TICRR: variants seen among roughly 807,000 people sequenced by gnomAD.
TICRR encodes TOPBP1 interacting checkpoint and replication regulator, also known as treslin.
Under a neutral mutation model 178.1 loss-of-function variants are expected in TICRR, and 132 were observed. The ratio of observed to expected loss-of-function variants is 0.74; its 90% CI spans 0.64 to 0.86. TICRR has a LOEUF of 0.86. Ranked by LOEUF, TICRR falls within the 40% of genes least tolerant of loss-of-function variation. TICRR has a pLI of 0.00. For synonymous variants in TICRR, 991 were observed against 900.7 expected (o/e 1.10, Z -1.79); for missense variants, 2,587 against 2,334.3 (o/e 1.11, Z -2.23).
chr15:89,584,220 T>C (rs1261441591), intron 2 of TICRR, 66 bp from the exon 3 acceptor site: 2 of 1,438,238 alleles, frequency 1.4e-6, no homozygotes, highest in Non-Finnish European at 1.9e-6. Flanking sequence ...ATTCCTTATA[T>C]TGGAATTTTA....
chr15:89,594,488 G>A lies in TICRR; in HGVS notation c.1615G>A (p.Glu539Lys), dbSNP rs1258317023. 2.5e-6 allele frequency: 4 copies of A among 1,613,134 alleles called. No homozygotes were observed. Among genetic ancestry groups the A allele is most frequent in the Non-Finnish European group, 1.7e-6 (2 of 1,179,588 alleles). The stretch of plus-strand genomic sequence containing the variant: ...AGGCGAATTAATACATTGCCTTGCC[G>A]AGCTCTACCAGAGAAAATCTCGTGA... ...TEGELIHCLAELYQRKSREES... is the reference protein window; with the variant it reads ...TEGELIHCLAKLYQRKSREES... The change falls in exon 6 of 22, where the codon GAG becomes AAG. Residue 539 changes from glutamate (E) to lysine (K), a missense_variant. By Grantham distance (56) the Glu-to-Lys change is moderately conservative. Coordinates refer to ENST00000268138, the MANE Select transcript of TICRR (RefSeq NM_152259.4).
rs756053509 is a variant in TICRR, at chr15:89,594,444, A to G, written c.1571A>G (p.Glu524Gly). 2 of 1,612,920 alleles carry G rather than the reference A, an allele frequency of 1.2e-6. No homozygotes were observed. The highest frequency in any genetic ancestry group is 2.2e-5 in the South Asian group (2 of 90,886). ...GLLQAASANK[E>G]ESSKTEGELI... ...CTACAGGCTGCCTCAGCTAATAAGG[A>G]AGAGTCTTCCAAAACTGAAGGCGAA... The change falls in exon 6 of 22, where the codon GAA (glutamate) becomes GGA (glycine). Residue 524 changes from glutamate (E) to glycine (G), a missense_variant. Transcript: ENST00000268138.
chr15:89,623,482 G>C, intron 19 of TICRR, 141 bp from the exon 20 acceptor site: 1 of 875,956 alleles, frequency 1.1e-6, no homozygotes, highest in African/African-American at 1.7e-5. Context: ...GAGGGAAACG[G>C]GTCACTATTT....
At position 89,582,990 on chromosome 15, in the gene TICRR, T is replaced by G. The variant is rs200401138; in HGVS notation, c.934+25T>G. ...GGTAAGCAAATAATATTTTAAGGTT[T>G]TTTTTTTTTTAAATCTCAGTTACAT... On this transcript the variant is annotated intron_variant, in intron 2 of 21. Coordinates refer to ENST00000268138, the MANE Select transcript of TICRR (RefSeq NM_152259.4). 413 of 1,550,670 alleles carry G rather than the reference T, an allele frequency of 2.7e-4. No homozygotes were observed. The African/African-American group carries it at 4.5e-3, about 17-fold the overall frequency.
At position 89,584,411 on chromosome 15, in the gene TICRR, A is replaced by G. The variant is rs749649657; in HGVS notation, c.1060A>G (p.Ser354Gly). ...GSVAQWSLPT[S>G]STLGTDSWML... ...AGTGGCCCAGTGGTCTCTCCCAACGAGCAGCACTTTGGGCACTGACAGCTG... is the reference window on the plus strand; with the variant it reads ...AGTGGCCCAGTGGTCTCTCCCAACGGGCAGCACTTTGGGCACTGACAGCTG... The change falls in exon 3 of 22, where the codon AGC (serine) becomes GGC (glycine). Residue 354 changes from serine to glycine, a missense_variant. Physicochemically the swap from Ser to Gly is moderately conservative, Grantham distance 56 (BLOSUM62 0). Coordinates refer to ENST00000268138, the MANE Select transcript of TICRR (RefSeq NM_152259.4). 1 of 1,614,172 alleles carries G rather than the reference A, an allele frequency of 6.2e-7. No individual in the cohort carries two copies. The highest frequency in any genetic ancestry group is 8.5e-7 in the Non-Finnish European group (1 of 1,180,012).
Position 89,623,957 on chromosome 15 carries a change from T to C in TICRR, c.3647T>C (p.Val1216Ala). 6.2e-7 allele frequency: 1 copy of C among 1,613,928 alleles called. No homozygotes were observed. Among genetic ancestry groups the C allele is most frequent in the Non-Finnish European group, 8.5e-7 (1 of 1,179,998 alleles). Residue 1216 changes from valine to alanine, a missense_variant, in exon 20 of 22, where the codon GTG becomes GCG. Physicochemically the swap from Val to Ala is moderately conservative, Grantham distance 64 (BLOSUM62 0). Transcript: ENST00000268138. ...CCAAACTGTACTTGGCCACATTCAG[T>C]GAATTCCAGTCCAGAAAGCCCCTCC... ...FLPNCTWPHS[V>A]NSSPESPSCP...
rs1200646951 is a variant in TICRR, at chr15:89,587,951, A to G, written c.1411+2009A>G. Among the ~76,000 whole-genome samples the G allele has an allele frequency of 2.0e-5, 3 of 152,160 alleles. No homozygotes were observed. The East Asian group carries it at 5.8e-4, about 29-fold the overall frequency. ...ATGTTGATGAGATAATATGGTAAAA[A>G]TTAATGCAGGGGATGGAGAGAATTG... On this transcript the variant is annotated intron_variant, in intron 4 of 21. Transcript: ENST00000268138.
chr15:89,618,972 A>G (rs1425519585), intron 17 of TICRR, among the ~76,000 whole-genome samples: 1 of 152,176 alleles, frequency 6.6e-6, no homozygotes. Flanking sequence ...AAATAAAATA[A>G]TAAAAGTATA....
chr15:89,624,336 G>T lies in TICRR; in HGVS notation c.4026G>T (p.Glu1342Asp), dbSNP rs1963475196. The T allele has an allele frequency of 6.2e-7, 1 of 1,614,012 alleles. No homozygotes were observed. The highest frequency in any genetic ancestry group is 1.7e-5 in the Admixed American group (1 of 59,994). ...CPSPGELDQK[E>D]PQMSPSVAAS... ...CCCCAGGAGAACTGGATCAGAAAGA[G>T]CCCCAGATGTCACCCAGCGTAGCTG... Residue 1342 changes from glutamate to aspartate, a missense_variant, in exon 20 of 22, where the codon GAG becomes GAT. By Grantham distance (45) the Glu-to-Asp change is conservative. Coordinates refer to ENST00000268138, the MANE Select transcript of TICRR (RefSeq NM_152259.4).
intron 19 of TICRR, among the ~76,000 whole-genome samples, chr15:89,623,331 G>T (rs957584752): frequency 3.9e-5 from 6 of 152,226 alleles, no homozygotes; most frequent in Admixed American, 2.0e-4. Flanking sequence ...AGCTGCAGTG[G>T]TAGAATGATT....
At chr15:89,585,657 T>C in intron 3 of TICRR, 51 bp from the exon 4 acceptor site, 1 of 1,259,902 alleles carries the variant, frequency 7.9e-7, no homozygotes, top group Non-Finnish European at 1.2e-6. Flanking sequence ...TACATTCTTC[T>C]TTAGGCATAT....
rs2141953893 is a variant in TICRR, at chr15:89,584,395, G to C, written c.1044G>C (p.Gln348His). The part of the protein sequence containing the change: ...VRIFLKGSVA[Q>H]WSLPTSSTLG... ...TTTTTCTAAAAGGCTCAGTGGCCCA[G>C]TGGTCTCTCCCAACGAGCAGCACTT... The change falls in exon 3 of 22, where the codon CAG becomes CAC. Residue 348 changes from glutamine to histidine, a missense_variant. Gln to His is a conservative substitution (Grantham distance 24). Transcript: ENST00000268138. The C allele has an allele frequency of 6.2e-7, 1 of 1,614,202 alleles. No homozygotes were observed. Among genetic ancestry groups the C allele is most frequent in the South Asian group, 1.1e-5 (1 of 91,082 alleles).
At position 89,627,870 on chromosome 15, in the gene TICRR, C is replaced by G. The variant is rs3195377; in HGVS notation, c.*784C>G. On this transcript the variant is annotated 3_prime_UTR_variant, in exon 22 of 22. Transcript: ENST00000268138. ...GTCTGGCTAACGGTGAGGGCTGACT[C>G]TGAACTGTCTCTCAGTCTCCAGAAA... 6.6e-6 allele frequency: 1 copy of G among 152,360 alleles called. No individual in the cohort carries two copies. Among genetic ancestry groups the G allele is most frequent in the Admixed American group, 6.5e-5 (1 of 15,298 alleles). The allele number at this position is 152,360 out of a possible 1,614,324, so 9.4% of individuals were successfully genotyped here.
At position 89,575,707 on chromosome 15, in the gene TICRR, G is replaced by T; in HGVS notation, c.121G>T (p.Ala41Ser). ...CTATCTGAGTTGCCGATTCGGCCTGGCCAGGGTCCACTGGGCCTTCAAGTT... is the reference window on the plus strand; with the variant it reads ...CTATCTGAGTTGCCGATTCGGCCTGTCCAGGGTCCACTGGGCCTTCAAGTT... ...LTYLSCRFGL[A>S]RVHWAFKFFD... Residue 41 changes from alanine to serine, a missense_variant, in exon 1 of 22, where the codon GCC (alanine) becomes TCC (serine). Physicochemically the swap from Ala to Ser is moderately conservative, Grantham distance 99 (BLOSUM62 1). Transcript: ENST00000268138. 1.9e-6 allele frequency: 3 copies of T among 1,608,024 alleles called. No individual in the cohort carries two copies. Among genetic ancestry groups the T allele is most frequent in the East Asian group, 2.2e-5 (1 of 44,692 alleles).
intron 1 of TICRR, among the ~76,000 whole-genome samples, chr15:89,576,821 G>GTATA (rs369518649): frequency 7.7e-4 from 71 of 92,392 alleles, no homozygotes; most frequent in East Asian, 2.5e-3. Flanking sequence ...ATGTGTGTGT[G>GTATA]TATATATATA....
At chr15:89,597,440 G>T (rs1028378993) in intron 7 of TICRR, among the ~76,000 whole-genome samples, 1 of 151,244 alleles carries the variant, frequency 6.6e-6, no homozygotes, top group Admixed American at 6.6e-5. Flanking sequence ...CATGAGAATC[G>T]CTTGATCCCG....
chr15:89,592,366 T>C (rs62023132), intron 5 of TICRR, among the ~76,000 whole-genome samples, 190 bp downstream of exon 5: 13,794 of 152,190 alleles, frequency 0.091, 759 homozygotes, highest in African/African-American at 0.16. Flanking sequence ...GTTAACAATA[T>C]ATAAATATAT....
intron 19 of TICRR, among the ~76,000 whole-genome samples, chr15:89,622,976 A>G (rs1963451247): frequency 6.6e-6 from 1 of 152,256 alleles, no homozygotes; most frequent in Non-Finnish European, 1.5e-5. Flanking sequence ...CCCACTGAAC[A>G]GGAAATGCCA....
rs183838492 is a variant in TICRR at position 89,591,994 on chromosome 15, G to T, written c.1412-53G>T. On this transcript the variant is annotated intron_variant, in intron 4 of 21. Coordinates refer to ENST00000268138, the MANE Select transcript of TICRR (RefSeq NM_152259.4). ...GAGGAGCAAGTGCTTAGAATTCTCT[G>T]CTTTGGTTCTCATGCTGTTTCCTCT... 2,615 of 1,560,388 alleles carry T rather than the reference G, an allele frequency of 1.7e-3. 2 individuals are homozygous for T. Among genetic ancestry groups the T allele is most frequent in the Non-Finnish European group, 2.1e-3 (2,362 of 1,141,338 alleles).
Sources: allele counts gnomAD v4.1 joint callset (sites outside exome capture counted in the v4.1 genomes callset), GRCh38; gene constraint gnomAD v4.1.1; transcripts MANE v1.5; gene names NCBI Gene and HGNC (gene_info 2026-07-23, HGNC 2026-07-21).